The following RASGRF2 variants were observed in gnomAD, a reference collection of about 807,000 sequenced individuals.
The protein encoded by RASGRF2 is ras-specific guanine nucleotide-releasing factor 2.
A neutral mutation model predicts 151.0 loss-of-function variants in RASGRF2; 76 were observed. That is an observed-to-expected ratio of 0.50 (90% CI 0.42 to 0.61). The LOEUF (loss-of-function observed/expected upper bound fraction) is 0.61. Ranked by LOEUF, RASGRF2 falls within the 20% of genes least tolerant of loss-of-function variation. RASGRF2 has a pLI of 0.00. For missense variants in RASGRF2, 1,148 were observed against 1,564.6 expected, an observed-to-expected ratio of 0.73 and a Z score of 4.49; for synonymous variants, 504 against 566.5, an observed-to-expected ratio of 0.89 and a Z score of 1.57.
intron 18 of RASGRF2, among the ~76,000 whole-genome samples, chr5:81,198,719 G>A (rs993339803): frequency 3.9e-5 from 6 of 152,216 alleles, no homozygotes; most frequent in African/African-American, 1.2e-4. Context: ...GATTACAGGC[G>A]TGAGCCACCG....
intron 1 of RASGRF2, among the ~76,000 whole-genome samples, chr5:80,968,839 AC>A (rs1184437613): frequency 6.6e-6 from 1 of 151,870 alleles, no homozygotes; most frequent in Non-Finnish European, 1.5e-5. Context: ...GTGTGCCACC[AC>A]ACCCAGCTAA....
chr5:81,163,767 A>G (rs1357305663), intron 17 of RASGRF2, among the ~76,000 whole-genome samples: 1 of 152,146 alleles, frequency 6.6e-6, no homozygotes, highest in Non-Finnish European at 1.5e-5. Flanking sequence ...AGAGAGCTAG[A>G]CTGGCCACTA....
chr5:81,195,574 C>CTT (rs11346643), intron 18 of RASGRF2, among the ~76,000 whole-genome samples: 2 of 141,058 alleles, frequency 1.4e-5, no homozygotes, highest in African/African-American at 2.6e-5. Flanking sequence ...TTTTTGTGAC[C>CTT]TTTTTTTTTT....
At chr5:80,983,979 T>C (rs926794171) in intron 1 of RASGRF2, among the ~76,000 whole-genome samples, 8 of 152,208 alleles carry the variant, frequency 5.3e-5, no homozygotes, top group Non-Finnish European at 7.4e-5. Flanking sequence ...TGCTGATCTA[T>C]AATATAGCAT....
intron 17 of RASGRF2, among the ~76,000 whole-genome samples, chr5:81,138,043 C>T (rs1297375680): frequency 7.7e-6 from 1 of 129,910 alleles, no homozygotes; most frequent in Non-Finnish European, 1.6e-5. Context: ...CCTTCAATGC[C>T]CTTTTTGTTT....
chr5:81,042,882 C>T lies in RASGRF2; in HGVS notation c.294C>T (p.Tyr98=), dbSNP rs1296903198. 2 of 1,607,078 alleles carry T rather than the reference C, an allele frequency of 1.2e-6. No individual in the cohort carries two copies. The highest frequency in any genetic ancestry group is 2.7e-5 in the African/African-American group (2 of 74,800). Residue 98 remains tyrosine, a synonymous_variant, in exon 2 of 27, where the codon TAC becomes TAT. Transcript: ENST00000265080. ...GVRDALDKQY[Y]FTVLFGHEGQ... ...GTGTTTCTTTTTCTTTCCAGTATTACTTTACTGTTCTTTTTGGCCATGAAG... is the reference window on the plus strand; with the variant it reads ...GTGTTTCTTTTTCTTTCCAGTATTATTTTACTGTTCTTTTTGGCCATGAAG...
At chr5:81,179,111 C>A (rs1476771047) in intron 17 of RASGRF2, among the ~76,000 whole-genome samples, 1 of 152,134 alleles carries the variant, frequency 6.6e-6, no homozygotes, top group Non-Finnish European at 1.5e-5. Flanking sequence ...AATGTGATTT[C>A]ATTGTGATTG....
chr5:81,175,284 G>T (rs541784864), intron 17 of RASGRF2, among the ~76,000 whole-genome samples: 1 of 152,274 alleles, frequency 6.6e-6, no homozygotes, highest in East Asian at 1.9e-4. Flanking sequence ...GGTTGTGAGG[G>T]TTAAGTTATA....
At chr5:81,204,942 A>C (rs1755472910) in intron 19 of RASGRF2, among the ~76,000 whole-genome samples, 1 of 152,306 alleles carries the variant, frequency 6.6e-6, no homozygotes, top group South Asian at 2.1e-4. Context: ...TCATAAAAAG[A>C]TCTTTCCCAC....
At chr5:81,103,871 T>A in intron 12 of RASGRF2, among the ~76,000 whole-genome samples, 1 of 152,256 alleles carries the variant, frequency 6.6e-6, no homozygotes, top group Non-Finnish European at 1.5e-5. Flanking sequence ...GTTTATATAG[T>A]GGGATATATA....
At chr5:80,992,020 G>A (rs1312862511) in intron 1 of RASGRF2, among the ~76,000 whole-genome samples, 1 of 152,052 alleles carries the variant, frequency 6.6e-6, no homozygotes, top group African/African-American at 2.4e-5. Flanking sequence ...TAATGCATAC[G>A]GGCTTCATAT....
rs1755758013 is a variant in RASGRF2, at chr5:81,217,230, CTG to C, written c.3435-125_3435-124del. The stretch of plus-strand genomic sequence containing the variant: ...GCGTATTATGAATATGCTTCTGAAA[CTG>C]AAATAAAAAGGTTTTGCTCTTCAGT... On this transcript the variant is annotated intron_variant, in intron 24 of 26. Coordinates refer to ENST00000265080, the MANE Select transcript of RASGRF2 (RefSeq NM_006909.3). 30 of 1,380,774 alleles carry C rather than the reference CTG, an allele frequency of 2.2e-5. No individual in the cohort carries two copies. The South Asian group carries it at 4.7e-4, about 22-fold the overall frequency. 85.5% of individuals were successfully genotyped at this position (1,380,774 alleles called of 1,614,324 possible).
At chr5:81,031,031 C>T (rs2112361158) in intron 1 of RASGRF2, among the ~76,000 whole-genome samples, 1 of 152,164 alleles carries the variant, frequency 6.6e-6, no homozygotes, top group East Asian at 1.9e-4. Context: ...TTTAAATCAA[C>T]AAAGATCAAA....
intron 1 of RASGRF2, among the ~76,000 whole-genome samples, chr5:80,965,952 T>C (rs535297404): frequency 2.2e-4 from 33 of 152,322 alleles, no homozygotes; most frequent in Non-Finnish European, 4.4e-4. Flanking sequence ...TTATGATTAT[T>C]TTGTAATGAA....
intron 17 of RASGRF2, among the ~76,000 whole-genome samples, chr5:81,141,207 A>T (rs987262637): frequency 3.9e-5 from 6 of 151,976 alleles, no homozygotes; most frequent in Admixed American, 3.9e-4. Flanking sequence ...TTCCAGAGAC[A>T]CTCCTAAATA....
At chr5:81,166,158 G>A (rs1754501905) in intron 17 of RASGRF2, among the ~76,000 whole-genome samples, 1 of 152,074 alleles carries the variant, frequency 6.6e-6, no homozygotes, top group South Asian at 2.1e-4. Flanking sequence ...AAAAAGTAAA[G>A]TGATACTTTA....
chr5:81,214,284 G>A (rs1351136896), intron 23 of RASGRF2, among the ~76,000 whole-genome samples: 1 of 152,172 alleles, frequency 6.6e-6, no homozygotes, highest in Non-Finnish European at 1.5e-5. Context: ...CACATTATAG[G>A]TCACTCACAG....
At chr5:81,170,750 T>C (rs1390745679) in intron 17 of RASGRF2, among the ~76,000 whole-genome samples, 1 of 152,214 alleles carries the variant, frequency 6.6e-6, no homozygotes. Flanking sequence ...CCTTATTTAT[T>C]TGCTTATAGA....
rs373427924 is a variant in RASGRF2 at position 80,978,685 on chromosome 5, G to A, written c.288+17659G>A. Among the ~76,000 whole-genome samples the A allele has an allele frequency of 1.7e-4, 26 of 152,246 alleles. No homozygotes were observed. In the East Asian group the frequency reaches 3.1e-3, roughly 18 times the overall value. ...GCCTGTAATCCCAGCTACTCAGGAG[G>A]CTGAGGTGGGAGAATCACGTGAACC... On this transcript the variant is annotated intron_variant, in intron 1 of 26. Transcript: ENST00000265080.
Sources: allele counts gnomAD v4.1 joint callset (sites outside exome capture counted in the v4.1 genomes callset), GRCh38; gene constraint gnomAD v4.1.1; transcripts MANE v1.5; gene names NCBI Gene and HGNC (gene_info 2026-07-23, HGNC 2026-07-21).